WWP1: variants seen among roughly 807,000 people sequenced by gnomAD.
WWP1 encodes the protein NEDD4-like E3 ubiquitin-protein ligase WWP1.
A neutral mutation model predicts 130.6 loss-of-function variants in WWP1; 49 were observed. That is an observed-to-expected ratio of 0.38 (90% CI 0.30 to 0.48). The LOEUF is 0.48. WWP1 is among the 20% of genes least tolerant of loss of function. The pLI is 0.99. For missense variants in WWP1, 809 were observed against 1,100.6 expected, an observed-to-expected ratio of 0.74 and a Z score of 3.75; for synonymous variants, 332 against 367.8, an observed-to-expected ratio of 0.90 and a Z score of 1.11.
intron 5 of WWP1, among the ~76,000 whole-genome samples, chr8:86,389,782 G>A (rs978036542): frequency 3.4e-5 from 5 of 147,276 alleles, no homozygotes; most frequent in Admixed American, 6.8e-5. Flanking sequence ...GCTGCCCGGC[G>A]GAGGCCGCCC....
intron 1 of WWP1, among the ~76,000 whole-genome samples, chr8:86,353,378 A>G (rs1038356090): frequency 3.3e-5 from 5 of 152,196 alleles, no homozygotes; most frequent in Admixed American, 2.6e-4. Context: ...GTTGAAATAA[A>G]CATAGGTTGC....
At position 86,380,743 on chromosome 8, in the gene WWP1, A is replaced by G; in HGVS notation, c.88A>G (p.Lys30Glu). ...TCTGTTAGTTTCTAGTGCCAAACTT[A>G]AAAGAAAAAAGAACTGGTTCGGAAC... The part of the protein sequence containing the change: ...LQVTVSSAKL[K>E]RKKNWFGTAI... Residue 30 changes from lysine to glutamate, a missense_variant, in exon 4 of 25, where the codon AAA becomes GAA. Lys to Glu is a moderately conservative substitution (Grantham distance 56). Coordinates refer to ENST00000517970, the MANE Select transcript of WWP1 (RefSeq NM_007013.4). 1 of 1,609,072 alleles carries G rather than the reference A, an allele frequency of 6.2e-7. No homozygotes were observed. Among genetic ancestry groups the G allele is most frequent in the Non-Finnish European group, 8.5e-7 (1 of 1,178,680 alleles).
At chr8:86,461,555 G>C in intron 23 of WWP1, 1 of 625,128 alleles carries the variant, frequency 1.6e-6, no homozygotes, top group South Asian at 2.0e-5. Flanking sequence ...ACTGTGAAGG[G>C]AGCGACATTC....
At chr8:86,465,399 T>G (rs1048101818) in intron 24 of WWP1, among the ~76,000 whole-genome samples, 1 of 151,962 alleles carries the variant, frequency 6.6e-6, no homozygotes, top group Non-Finnish European at 1.5e-5. Flanking sequence ...TACAAAGGGA[T>G]GTAGTGGCAG....
chr8:86,466,657 C>G, intron 24 of WWP1, 137 bp from the exon 25 acceptor site: 1 of 453,096 alleles, frequency 2.2e-6, no homozygotes, highest in Non-Finnish European at 3.7e-6. Flanking sequence ...TTAGATTACT[C>G]TAAATACTTC....
Position 86,442,656 on chromosome 8 carries a change from C to A in WWP1, c.1876C>A (p.Pro626Thr). ...CTTGCTTTCACATGAAGTTTTGAACCCAATGTATTGCTTATTTGAGTATGC... is the reference window on the plus strand; with the variant it reads ...CTTGCTTTCACATGAAGTTTTGAACACAATGTATTGCTTATTTGAGTATGC... The part of the protein sequence containing the change: ...FFLLSHEVLN[P>T]MYCLFEYAGK... Residue 626 changes from proline to threonine, a missense_variant, in exon 18 of 25, where the codon CCA becomes ACA. Transcript: ENST00000517970. 1.2e-6 allele frequency: 2 copies of A among 1,606,040 alleles called. No individual in the cohort carries two copies. The highest frequency in any genetic ancestry group is 1.7e-5 in the Admixed American group (1 of 59,106).
intron 9 of WWP1, among the ~76,000 whole-genome samples, chr8:86,412,586 C>T (rs1308757974): frequency 1.3e-5 from 2 of 152,084 alleles, no homozygotes; most frequent in Non-Finnish European, 2.9e-5. Context: ...CTTTCCAACA[C>T]AGTTTACAGT....
At chr8:86,429,476 G>C (rs1283135585) in intron 11 of WWP1, among the ~76,000 whole-genome samples, 2 of 152,068 alleles carry the variant, frequency 1.3e-5, no homozygotes, top group African/African-American at 4.8e-5. Flanking sequence ...TTCAGGTAAT[G>C]ATTTTTATAT....
chr8:86,390,024 G>A lies in WWP1; in HGVS notation c.335-8318G>A, dbSNP rs191832519. On this transcript the variant is annotated intron_variant, in intron 5 of 24. Transcript: ENST00000517970. ...CTCCTCACCTCCCAGAAGGGGTGGC[G>A]GTCTGGCAGAGACACTCCTCAGATC... Among the ~76,000 whole-genome samples the A allele has an allele frequency of 3.9e-4, 59 of 151,848 alleles. No individual in the cohort carries two copies. The East Asian group carries it at 0.011, about 27-fold the overall frequency.
At chr8:86,432,297 C>T (rs1425319963) in intron 14 of WWP1, among the ~76,000 whole-genome samples, 1 of 152,108 alleles carries the variant, frequency 6.6e-6, no homozygotes, top group Admixed American at 6.5e-5. Flanking sequence ...AGAAGCAATC[C>T]TAAAAGGTCT....
chr8:86,444,257 A>G (rs976956786), intron 18 of WWP1, among the ~76,000 whole-genome samples: 3 of 152,220 alleles, frequency 2.0e-5, no homozygotes, highest in African/African-American at 7.2e-5. Flanking sequence ...TGGCAACAAT[A>G]TTTATGGCCA....
intron 5 of WWP1, among the ~76,000 whole-genome samples, chr8:86,398,062 T>G (rs974669628): frequency 6.6e-6 from 1 of 152,196 alleles, no homozygotes; most frequent in Non-Finnish European, 1.5e-5. Context: ...TGTGGTACCT[T>G]GAGCTGAAAA....
At chr8:86,437,276 A>G (rs1810343840) in intron 16 of WWP1, among the ~76,000 whole-genome samples, 1 of 152,246 alleles carries the variant, frequency 6.6e-6, no homozygotes, top group South Asian at 2.1e-4. Flanking sequence ...GCTATTAAAG[A>G]TTATGAAAAT....
chr8:86,400,896 T>G (rs2130500932), intron 7 of WWP1, among the ~76,000 whole-genome samples: 1 of 152,286 alleles, frequency 6.6e-6, no homozygotes, highest in Non-Finnish European at 1.5e-5. Context: ...TGGTTTATAT[T>G]TTTAAAACAA....
chr8:86,362,193 T>C (rs1328088393), intron 1 of WWP1, among the ~76,000 whole-genome samples: 6 of 133,878 alleles, frequency 4.5e-5, no homozygotes, highest in African/African-American at 1.5e-4. Flanking sequence ...TATATATATA[T>C]ATATATATAC....
At chr8:86,389,338 G>T (rs567889456) in intron 5 of WWP1, among the ~76,000 whole-genome samples, 1 of 152,230 alleles carries the variant, frequency 6.6e-6, no homozygotes, top group Non-Finnish European at 1.5e-5. Context: ...GGGTACTTGA[G>T]ATTAGGGAGT....
chr8:86,373,871 A>G (rs545176003), intron 2 of WWP1, among the ~76,000 whole-genome samples, 159 bp from the exon 3 acceptor site: 3 of 152,168 alleles, frequency 2.0e-5, no homozygotes, highest in East Asian at 3.9e-4. Flanking sequence ...TGTTATTTCA[A>G]CTAACTTTAG....
At chr8:86,409,369 G>A (rs139840903) in intron 8 of WWP1, among the ~76,000 whole-genome samples, 4,123 of 149,592 alleles carry the variant, frequency 0.028, 74 homozygotes, top group Non-Finnish European at 0.04. Context: ...GAGTAGCTGG[G>A]ATTACAGGCA....
chr8:86,444,221 G>A (rs1200958541), intron 18 of WWP1, among the ~76,000 whole-genome samples: 1 of 152,302 alleles, frequency 6.6e-6, no homozygotes, highest in East Asian at 1.9e-4. Flanking sequence ...CAGATTAGAT[G>A]CAGGGGTGTG....
Sources: allele counts gnomAD v4.1 joint callset (sites outside exome capture counted in the v4.1 genomes callset), GRCh38; gene constraint gnomAD v4.1.1; transcripts MANE v1.5; gene names NCBI Gene and HGNC (gene_info 2026-07-23, HGNC 2026-07-21).